YME1L1: variants seen among roughly 807,000 people sequenced by gnomAD.
The protein encoded by YME1L1 is ATP-dependent zinc metalloprotease YME1L1.
A neutral mutation model predicts 90.4 loss-of-function variants in YME1L1; 39 were observed. That is an observed-to-expected ratio of 0.43 (90% CI 0.33 to 0.56). The LOEUF is 0.56. Among genes scored for constraint, YME1L1 ranks in the 20% least tolerant of loss-of-function variants. The pLI is 0.03. For missense variants in YME1L1, 617 were observed against 868.4 expected, an observed-to-expected ratio of 0.71 and a Z score of 3.64; for synonymous variants, 284 against 287.3, an observed-to-expected ratio of 0.99 and a Z score of 0.12.
At chr10:27,118,700 T>G (rs2056837498) in intron 14 of YME1L1, among the ~76,000 whole-genome samples, 1 of 152,220 alleles carries the variant, frequency 6.6e-6, no homozygotes, top group East Asian at 1.9e-4. Flanking sequence ...AAGGGAAAAC[T>G]TATTTCTATT....
chr10:27,153,400 A>T (rs2057254147), intron 1 of YME1L1: 2 of 335,444 alleles, frequency 6.0e-6, no homozygotes, highest in South Asian at 2.3e-5. Context: ...ATTATGTTTT[A>T]AAAAAACTCA....
At chr10:27,144,587 TA>T (rs941406995) in intron 3 of YME1L1, among the ~76,000 whole-genome samples, 44 of 151,210 alleles carry the variant, frequency 2.9e-4, no homozygotes, top group Admixed American at 2.0e-4. Flanking sequence ...GAGATTCAAG[TA>T]AAAAAAAATG....
Position 27,117,730 on chromosome 10 carries a change from A to G in YME1L1, c.1568-3T>C, listed in dbSNP as rs762444648. On this transcript the variant is annotated splice_polypyrimidine_tract_variant and splice_region_variant and intron_variant, in intron 14 of 18. Coordinates refer to ENST00000376016, the MANE Select transcript of YME1L1 (RefSeq NM_014263.4). ...TTCCACACTTCTTCTTTCAGGCCCT[A>G]AGATAAATTTAATTGAGTAAATACT... is the stretch of plus-strand genomic sequence containing the variant. 1 of 1,613,772 alleles carries G rather than the reference A, an allele frequency of 6.2e-7. No homozygotes were observed. Among genetic ancestry groups the G allele is most frequent in the South Asian group, 1.1e-5 (1 of 91,040 alleles).
chr10:27,134,077 A>C lies in YME1L1; in HGVS notation c.737T>G (p.Phe246Cys). Reference sequence around the variant, plus strand: ...GTTTTTTAGAAGTCCATAAATGCCGAATAGCAGCAGAACGAAGAGAATCAG... The same window carrying C: ...GTTTTTTAGAAGTCCATAAATGCCGCATAGCAGCAGAACGAAGAGAATCAG... ...TRLILFVLLL[F>C]GIYGLLKNPF... Residue 246 changes from phenylalanine to cysteine, a missense_variant, in exon 7 of 19, where the codon TTC (phenylalanine) becomes TGC (cysteine). Around this residue, in one of 4 missense-constraint regions of YME1L1, gnomAD observed 311 missense variants for 335.8 expected, o/e 0.93. Coordinates refer to ENST00000376016, the MANE Select transcript of YME1L1 (RefSeq NM_014263.4). 1 of 1,613,916 alleles carries C rather than the reference A, an allele frequency of 6.2e-7. No individual in the cohort carries two copies.
At chr10:27,148,668 T>C (rs985558055) in intron 2 of YME1L1, among the ~76,000 whole-genome samples, 1 of 152,222 alleles carries the variant, frequency 6.6e-6, no homozygotes, top group African/African-American at 2.4e-5. Flanking sequence ...CTTACTTTAT[T>C]GTAAGAATAC....
intron 8 of YME1L1, among the ~76,000 whole-genome samples, chr10:27,128,589 C>A (rs866852288): frequency 6.6e-6 from 1 of 151,378 alleles, no homozygotes; most frequent in Admixed American, 6.6e-5. Flanking sequence ...CCCCCACCCC[C>A]CAAAAAAAAG....
At chr10:27,125,458 G>GAAAAAAAAAA (rs68143135) in intron 9 of YME1L1, among the ~76,000 whole-genome samples, 5 of 107,684 alleles carry the variant, frequency 4.6e-5, no homozygotes, top group East Asian at 3.0e-4. Flanking sequence ...TGTTTCATTT[G>GAAAAAAAAAA]AAAAAAAAAA....
At chr10:27,153,896 T>C (rs557940112) in intron 1 of YME1L1, among the ~76,000 whole-genome samples, 1 of 152,226 alleles carries the variant, frequency 6.6e-6, no homozygotes, top group East Asian at 1.9e-4. Flanking sequence ...GCCGGACGGA[T>C]TCTCTAGCAG....
At chr10:27,130,588 C>T (rs767613689) in intron 8 of YME1L1, among the ~76,000 whole-genome samples, 5 of 152,164 alleles carry the variant, frequency 3.3e-5, no homozygotes, top group African/African-American at 7.2e-5. Flanking sequence ...GGCCGGGCAC[C>T]GTGGCTCACG....
At chr10:27,146,854 T>C (rs1425839894) in intron 2 of YME1L1, 1 of 155,556 alleles carries the variant, frequency 6.4e-6, no homozygotes, top group Non-Finnish European at 1.4e-5. Context: ...CTAACATAAC[T>C]ATAAAATACA....
intron 14 of YME1L1, among the ~76,000 whole-genome samples, chr10:27,118,583 C>T (rs2056836640): frequency 6.6e-6 from 1 of 152,178 alleles, no homozygotes; most frequent in Non-Finnish European, 1.5e-5. Context: ...AGCCACCACG[C>T]CCAGTCTACA....
chr10:27,152,708 A>C (rs1305302858), intron 1 of YME1L1, among the ~76,000 whole-genome samples: 1 of 152,148 alleles, frequency 6.6e-6, no homozygotes, highest in Admixed American at 6.6e-5. Context: ...GATCAAACCC[A>C]GAAACACCTC....
At chr10:27,121,117 C>T (rs1389524452) in intron 12 of YME1L1, among the ~76,000 whole-genome samples, 1 of 152,152 alleles carries the variant, frequency 6.6e-6, no homozygotes, top group Non-Finnish European at 1.5e-5. Flanking sequence ...GTTTTTAATA[C>T]ATTCAGAATT....
intron 4 of YME1L1, among the ~76,000 whole-genome samples, chr10:27,141,908 CATCT>C (rs1405192661): frequency 6.6e-6 from 1 of 152,196 alleles, no homozygotes; most frequent in African/African-American, 2.4e-5. Context: ...TATCACCTGA[CATCT>C]ATCACTAGTG....
intron 9 of YME1L1, among the ~76,000 whole-genome samples, chr10:27,126,134 A>C (rs902839769): frequency 6.6e-6 from 1 of 152,130 alleles, no homozygotes; most frequent in Admixed American, 6.5e-5. Flanking sequence ...TAAAGAGACA[A>C]AGTGAATGAT....
At chr10:27,128,021 A>T (rs916415599) in intron 8 of YME1L1, among the ~76,000 whole-genome samples, 3 of 152,182 alleles carry the variant, frequency 2.0e-5, no homozygotes, top group Non-Finnish European at 4.4e-5. Flanking sequence ...ACTCAAATAA[A>T]CTATATTCTC....
At position 27,114,574 on chromosome 10, in the gene YME1L1, G is replaced by A; in HGVS notation, c.1954C>T (p.Leu652=). ...ATGGCAGATTGGGTTTCTGGACTTA[G>A]TTTCCCTGTATCACTGTAGGTCATA... The part of the protein sequence containing the change: ...GVMTYSDTGK[L]SPETQSAIEQ... Residue 652 remains leucine, a synonymous_variant, in exon 18 of 19, where the codon CTA becomes TTA. Transcript: ENST00000376016. The A allele has an allele frequency of 6.2e-7, 1 of 1,613,878 alleles. No homozygotes were observed. Among genetic ancestry groups the A allele is most frequent in the Non-Finnish European group, 8.5e-7 (1 of 1,179,930 alleles).
rs74126908 is a variant in YME1L1 at position 27,144,718 on chromosome 10, T to C, written c.331+710A>G. Among the ~76,000 whole-genome samples the C allele has an allele frequency of 5.4e-3, 825 of 152,314 alleles. 10 individuals carry two copies. The highest frequency in any genetic ancestry group is 0.019 in the African/African-American group (780 of 41,562). On this transcript the variant is annotated intron_variant, in intron 3 of 18. Coordinates refer to ENST00000376016, the MANE Select transcript of YME1L1 (RefSeq NM_014263.4). ...AATTAAAACAAACAACGCCCCCCCA[T>C]TCTGCTAAATGCAATGTGGTATGCT...
chr10:27,132,132 T>C lies in YME1L1; in HGVS notation c.776-191A>G, dbSNP rs2056983384. ...TTTTTTTTTCTTTTTGACAGAGTCT[T>C]GCTCTGTTACCAGGCTGGAGTGCAG... is the stretch of plus-strand genomic sequence containing the variant. On this transcript the variant is annotated intron_variant, in intron 7 of 18. Transcript: ENST00000376016. 3.3e-5 allele frequency among the ~76,000 whole-genome samples: 5 copies of C among 152,170 alleles called. No homozygotes were observed. In the South Asian group the frequency reaches 8.3e-4, roughly 25 times the overall value.
Sources: gnomAD v4.1 joint callset for allele counts (sites outside exome capture counted in the v4.1 genomes callset) on GRCh38, gnomAD v4.1.1 for gene constraint, gnomAD v4.1.1 regional missense constraint, MANE v1.5 for transcripts, NCBI Gene and HGNC (gene_info 2026-07-23, HGNC 2026-07-21) for gene names.